The following RYR2 variants were observed in gnomAD, a reference collection of about 807,000 sequenced individuals.
RYR2 encodes ryanodine receptor 2, also known as cardiac muscle ryanodine receptor-calcium release channel.
In RYR2, 227 loss-of-function variants were observed where a neutral mutation model predicts 601.1. The ratio of observed to expected loss-of-function variants is 0.38; its 90% CI spans 0.34 to 0.42. RYR2 has a LOEUF of 0.42. RYR2 is among the 10% of genes least tolerant of loss of function. The probability of loss-of-function intolerance (pLI) is 1.00; values close to 1 mark genes in which losing one functional copy is unlikely to be tolerated. For synonymous variants in RYR2, 2,223 were observed against 2,175.1 expected (o/e 1.02, Z -0.61); for missense variants, 4,646 against 6,156.5 (o/e 0.75, Z 8.21).
chr1:237,518,252 GT>G (rs56958755), intron 24 of RYR2, among the ~76,000 whole-genome samples: 19 of 149,682 alleles, frequency 1.3e-4, no homozygotes, highest in African/African-American at 3.9e-4. Flanking sequence ...CTTTTCTATT[GT>G]TTTTTTTTGC....
intron 76 of RYR2, among the ~76,000 whole-genome samples, chr1:237,728,815 A>G (rs1690428791): frequency 6.6e-6 from 1 of 152,018 alleles, no homozygotes; most frequent in South Asian, 2.1e-4. Flanking sequence ...GAGAGTATTA[A>G]GACAAATACC....
At chr1:237,810,271 A>G (rs1661117003) in intron 100 of RYR2, among the ~76,000 whole-genome samples, 1 of 152,046 alleles carries the variant, frequency 6.6e-6, no homozygotes, top group Non-Finnish European at 1.5e-5. Flanking sequence ...CCAAGTCCTT[A>G]TCACATCAAT....
chr1:237,371,540 T>C (rs1178323559), intron 6 of RYR2, among the ~76,000 whole-genome samples: 3 of 152,246 alleles, frequency 2.0e-5, no homozygotes, highest in Non-Finnish European at 2.9e-5. Context: ...AACATGATAG[T>C]TCAATATCTA....
chr1:237,353,511 G>GAAAAAA (rs61606386), intron 3 of RYR2, among the ~76,000 whole-genome samples: 1 of 52,700 alleles, frequency 1.9e-5, no homozygotes. Context: ...TCCGTCTCAA[G>GAAAAAA]AAAAAAAAAA....
intron 14 of RYR2, among the ~76,000 whole-genome samples, chr1:237,451,097 T>A (rs1003957917): frequency 5.9e-5 from 9 of 152,234 alleles, no homozygotes; most frequent in African/African-American, 2.2e-4. Flanking sequence ...TTACCTATTA[T>A]AAGTCCCAAA....
chr1:237,155,860 G>A (rs564840124), intron 1 of RYR2, among the ~76,000 whole-genome samples: 12 of 152,296 alleles, frequency 7.9e-5, no homozygotes, highest in Admixed American at 7.8e-4. Flanking sequence ...GGCATAAAGT[G>A]ATCTCATTGT....
chr1:237,607,480 C>T (rs971795506), intron 35 of RYR2, among the ~76,000 whole-genome samples: 35 of 152,088 alleles, frequency 2.3e-4, no homozygotes, highest in African/African-American at 7.2e-4. Flanking sequence ...ATGTAAATGA[C>T]GCGTTAATGG....
intron 23 of RYR2, among the ~76,000 whole-genome samples, chr1:237,507,290 A>C (rs1477952806): frequency 1.3e-5 from 2 of 152,248 alleles, no homozygotes; most frequent in Non-Finnish European, 2.9e-5. Flanking sequence ...TAGAATGAAG[A>C]CTGAGAAACC....
At chr1:237,594,886 G>GTTTTTTTTTTTGTTTTTTGTTTTTTTTTT (rs1675647018) in intron 33 of RYR2, among the ~76,000 whole-genome samples, 1 of 60,418 alleles carries the variant, frequency 1.7e-5, no homozygotes, top group Admixed American at 2.3e-4. Flanking sequence ...ATATCACTGG[G>GTTTTTTTTTTTGTTTTTTGTTTTTTTTTT]TTTTTTTTTT....
chr1:237,066,138 C>T (rs752646166), intron 1 of RYR2, among the ~76,000 whole-genome samples: 22 of 152,160 alleles, frequency 1.4e-4, no homozygotes, highest in Non-Finnish European at 2.2e-4. Flanking sequence ...TTTCATTCAG[C>T]GAAATGCTCT....
intron 102 of RYR2, among the ~76,000 whole-genome samples, chr1:237,829,615 T>A (rs371079169): frequency 6.6e-6 from 1 of 152,204 alleles, no homozygotes; most frequent in African/African-American, 2.4e-5. Flanking sequence ...CCTGATCGAT[T>A]GTTCTCCCCA....
At chr1:237,119,121 G>A (rs140157289) in intron 1 of RYR2, among the ~76,000 whole-genome samples, 1 of 152,282 alleles carries the variant, frequency 6.6e-6, no homozygotes, top group African/African-American at 2.4e-5. Context: ...TGAAGTTAAA[G>A]TGAGGTCATT....
intron 29 of RYR2, among the ~76,000 whole-genome samples, chr1:237,572,501 G>A (rs777554596): frequency 5.3e-5 from 8 of 152,124 alleles, no homozygotes; most frequent in South Asian, 2.1e-4. Context: ...GTGTGTCACC[G>A]TGGCACATGG....
intron 1 of RYR2, among the ~76,000 whole-genome samples, chr1:237,098,650 T>C (rs1248675960): frequency 6.6e-6 from 1 of 152,136 alleles, no homozygotes; most frequent in Non-Finnish European, 1.5e-5. Context: ...ATGGTGGACA[T>C]GATGCTAAGT....
At chr1:237,133,566 A>G (rs1056614910) in intron 1 of RYR2, among the ~76,000 whole-genome samples, 3 of 152,178 alleles carry the variant, frequency 2.0e-5, no homozygotes, top group African/African-American at 7.2e-5. Context: ...AAACATATAG[A>G]TACTGTATGG....
At chr1:237,559,931 T>C (rs1671284694) in intron 27 of RYR2, among the ~76,000 whole-genome samples, 1 of 152,248 alleles carries the variant, frequency 6.6e-6, no homozygotes, top group Admixed American at 6.5e-5. Context: ...GGTCAGCTGA[T>C]GGTAGGACAG....
chr1:237,126,317 GA>G (rs1183342465), intron 1 of RYR2, among the ~76,000 whole-genome samples: 4 of 152,088 alleles, frequency 2.6e-5, no homozygotes, highest in Non-Finnish European at 5.9e-5. Context: ...TCCTTCCAGG[GA>G]ACTTGCTATG....
At chr1:237,487,432 T>C (rs1029108382) in intron 17 of RYR2, among the ~76,000 whole-genome samples, 1 of 151,998 alleles carries the variant, frequency 6.6e-6, no homozygotes, top group Middle Eastern at 3.4e-3. Context: ...TCAAATTTAT[T>C]TCAGGCTGGG....
Position 237,623,303 on chromosome 1 carries a change from AT to A in RYR2, c.5917-461del, listed in dbSNP as rs1170846784. Among the ~76,000 whole-genome samples the A allele has an allele frequency of 6.0e-5, 9 of 149,154 alleles. No homozygotes were observed. In the East Asian group the frequency reaches 1.8e-3, roughly 30 times the overall value. The stretch of plus-strand genomic sequence containing the variant: ...ATGGACACCTGTGGAGGAATAATTT[AT>A]GAACAATCAGAGATTTTGAGCATTT... On this transcript the variant is annotated intron_variant, in intron 38 of 104. Coordinates refer to ENST00000366574, the MANE Select transcript of RYR2 (RefSeq NM_001035.3).
Sources: allele counts gnomAD v4.1 joint callset (sites outside exome capture counted in the v4.1 genomes callset), GRCh38; gene constraint gnomAD v4.1.1; transcripts MANE v1.5; gene names NCBI Gene and HGNC (gene_info 2026-07-23, HGNC 2026-07-21).